Variants in OPCML observed in about 807,000 individuals in gnomAD.
The protein encoded by OPCML is opioid binding protein/cell adhesion molecule like.
A neutral mutation model predicts 37.8 loss-of-function variants in OPCML; 13 were observed. The ratio of observed to expected loss-of-function variants is 0.34; its 90% CI spans 0.22 to 0.55. OPCML has a LOEUF of 0.55. OPCML is among the 20% of genes least tolerant of loss of function. The pLI is 0.91. For synonymous variants in OPCML, 176 were observed against 168.8 expected, an observed-to-expected ratio of 1.04 and a Z score of -0.33; for missense variants, 341 against 435.6, an observed-to-expected ratio of 0.78 and a Z score of 1.93.
intron 1 of OPCML, among the ~76,000 whole-genome samples, chr11:133,497,047 T>C (rs1175319904): frequency 6.6e-6 from 1 of 152,200 alleles, no homozygotes; most frequent in Non-Finnish European, 1.5e-5. Context: ...CTGTCATAGA[T>C]GGCTTTTATT....
chr11:133,156,250 T>G (rs1950060894), intron 1 of OPCML, among the ~76,000 whole-genome samples: 1 of 152,198 alleles, frequency 6.6e-6, no homozygotes, highest in South Asian at 2.1e-4. Flanking sequence ...GCCCCCTGCT[T>G]ACTCAACATG....
At chr11:133,131,104 T>A (rs1485543476) in intron 1 of OPCML, among the ~76,000 whole-genome samples, 1 of 152,056 alleles carries the variant, frequency 6.6e-6, no homozygotes, top group Admixed American at 6.6e-5. Flanking sequence ...CTTTTGTACC[T>A]CCCACCATGC....
At chr11:132,682,269 C>T (rs779093843) in intron 2 of OPCML, among the ~76,000 whole-genome samples, 2 of 152,170 alleles carry the variant, frequency 1.3e-5, no homozygotes, top group Non-Finnish European at 2.9e-5. Flanking sequence ...TTTCCTGTTT[C>T]AGTAGGTTTC....
At chr11:133,520,739 C>A (rs1290437526) in intron 1 of OPCML, among the ~76,000 whole-genome samples, 1 of 152,286 alleles carries the variant, frequency 6.6e-6, no homozygotes, top group South Asian at 2.1e-4. Flanking sequence ...CTGGTCTTCA[C>A]GGAGCCAGAG....
At position 133,208,600 on chromosome 11, in the gene OPCML, T is replaced by G. The variant is rs925672983; in HGVS notation, c.62-265590A>C. Among the ~76,000 whole-genome samples the G allele has an allele frequency of 6.6e-6, 1 of 152,192 alleles. No homozygotes were observed. Among genetic ancestry groups the G allele is most frequent in the Non-Finnish European group, 1.5e-5 (1 of 68,032 alleles). On this transcript the variant is annotated intron_variant, in intron 1 of 7. Coordinates refer to ENST00000524381, the MANE Select transcript of OPCML (RefSeq NM_001012393.5). The surrounding 1 kb of genome is among the most constrained non-coding windows in gnomAD (Gnocchi z 8.9). Reference sequence around the variant, plus strand: ...AAGTTGAAGCAGGAAAAGCTGGATTTTGACACATATTTGACATGCATCTCA... The same window carrying G: ...AAGTTGAAGCAGGAAAAGCTGGATTGTGACACATATTTGACATGCATCTCA...
chr11:133,156,593 C>T (rs1950066193), intron 1 of OPCML, among the ~76,000 whole-genome samples: 1 of 152,112 alleles, frequency 6.6e-6, no homozygotes, highest in Non-Finnish European at 1.5e-5. Context: ...GAATCCTCCT[C>T]ATAATAGGAG....
At chr11:133,120,661 G>T (rs1267113421) in intron 1 of OPCML, among the ~76,000 whole-genome samples, 1 of 152,190 alleles carries the variant, frequency 6.6e-6, no homozygotes, top group Non-Finnish European at 1.5e-5. Flanking sequence ...GTGCTTTTAA[G>T]TAAGTGATTC....
chr11:132,816,413 C>T (rs1176544237), intron 2 of OPCML, among the ~76,000 whole-genome samples: 2 of 152,146 alleles, frequency 1.3e-5, no homozygotes, highest in African/African-American at 4.8e-5. Context: ...TATTTACAGA[C>T]ACTGAAATTT....
rs1945673850 is a variant in OPCML, at chr11:132,943,918, C to A, written c.62-908G>T. ...CTCCCGGGAGCAGCCCCGACGCGCG[C>A]GGGCCCGGACCGCCGGGGTTGTCAT... On this transcript the variant is annotated intron_variant, in intron 1 of 7. Transcript: ENST00000524381. This position sits in a 1 kb window ranked among gnomAD's most constrained non-coding sequence, Gnocchi z 4.3. 6.6e-6 allele frequency: 1 copy of A among 151,768 alleles called. No individual in the cohort carries two copies. Among genetic ancestry groups the A allele is most frequent in the South Asian group, 2.1e-4 (1 of 4,838 alleles). The allele number at this position is 151,768 out of a possible 1,614,324, so 9.4% of individuals were successfully genotyped here. A position where few individuals can be genotyped will look rare whatever the true frequency, so the allele number is the denominator to read the frequency against.
chr11:132,969,517 C>T (rs1946292158), intron 1 of OPCML, among the ~76,000 whole-genome samples: 1 of 152,126 alleles, frequency 6.6e-6, no homozygotes, highest in Non-Finnish European at 1.5e-5. Flanking sequence ...TTTCTCTCCT[C>T]TTGTTCTGGG....
chr11:132,856,717 C>G (rs1173290698), intron 2 of OPCML, among the ~76,000 whole-genome samples: 1 of 152,192 alleles, frequency 6.6e-6, no homozygotes, highest in Non-Finnish European at 1.5e-5. Flanking sequence ...CATGGAACAC[C>G]AGTAAGCACA....
chr11:133,441,250 A>C lies in OPCML; in HGVS notation c.61+91014T>G, dbSNP rs1946360342. ...AAAAAAAGCCCAAGAATGACATGAAAATTTTGAAAAAGAAAAAAATGGTAG... is the reference window on the plus strand; with the variant it reads ...AAAAAAAGCCCAAGAATGACATGAACATTTTGAAAAAGAAAAAAATGGTAG... On this transcript the variant is annotated intron_variant, in intron 1 of 7. Transcript: ENST00000524381. Among the ~76,000 whole-genome samples, 3 of 152,078 alleles carry C rather than the reference A, an allele frequency of 2.0e-5. No individual in the cohort carries two copies. The South Asian group carries it at 6.2e-4, about 31-fold the overall frequency.
At chr11:132,902,093 C>A (rs61569120) in intron 2 of OPCML, among the ~76,000 whole-genome samples, 2,345 of 152,228 alleles carry the variant, frequency 0.015, 52 homozygotes, top group African/African-American at 0.054. Flanking sequence ...TGATGAAAAA[C>A]CGTCCAGTGG....
intron 2 of OPCML, among the ~76,000 whole-genome samples, chr11:132,718,441 C>T (rs543037974): frequency 5.4e-4 from 82 of 152,264 alleles, no homozygotes; most frequent in African/African-American, 2.0e-3. Context: ...GTGTGTTGCA[C>T]GGTCATGTGT....
At chr11:133,332,784 C>T (rs1943650623) in intron 1 of OPCML, among the ~76,000 whole-genome samples, 1 of 152,164 alleles carries the variant, frequency 6.6e-6, no homozygotes, top group South Asian at 2.1e-4. Flanking sequence ...TTGAACCAAC[C>T]TTGCCTGCGG....
intron 2 of OPCML, among the ~76,000 whole-genome samples, chr11:132,739,895 G>A (rs1027725541): frequency 2.6e-5 from 4 of 152,048 alleles, no homozygotes; most frequent in African/African-American, 9.7e-5. Flanking sequence ...ACTTGGACTC[G>A]TTTTTGCTTA....
intron 1 of OPCML, among the ~76,000 whole-genome samples, chr11:133,193,975 G>A (rs1469125843): frequency 6.6e-6 from 1 of 152,158 alleles, no homozygotes; most frequent in Non-Finnish European, 1.5e-5. Flanking sequence ...AAAAGAGGAA[G>A]TTTTCAAAAG....
intron 1 of OPCML, chr11:133,419,092 G>A (rs368867848): frequency 5.3e-5 from 16 of 301,914 alleles, no homozygotes; most frequent in Middle Eastern, 3.3e-3. Flanking sequence ...CACCTTTGGC[G>A]AAACTGATTT....
intron 2 of OPCML, among the ~76,000 whole-genome samples, chr11:132,660,271 T>C (rs1238889635): frequency 3.3e-5 from 5 of 152,170 alleles, no homozygotes; most frequent in Admixed American, 6.5e-5. Context: ...GAAATGAAAA[T>C]TGTGCATAGC....
Sources: allele counts gnomAD v4.1 joint callset (sites outside exome capture counted in the v4.1 genomes callset), GRCh38; gene constraint gnomAD v4.1.1; non-coding constraint Gnocchi (gnomAD v3.1); transcripts MANE v1.5; gene names NCBI Gene and HGNC (gene_info 2026-07-23, HGNC 2026-07-21).